Variants in STON2 observed in about 807,000 individuals in gnomAD.
STON2 encodes the protein stonin 2.
A neutral mutation model predicts 65.7 loss-of-function variants in STON2; 29 were observed. The observed-to-expected ratio is 0.44, with a 90% CI of 0.33 to 0.60. The LOEUF (loss-of-function observed/expected upper bound fraction) is 0.60. Ranked by LOEUF, STON2 falls within the 20% of genes least tolerant of loss-of-function variation. STON2 has a pLI of 0.03. For missense variants in STON2, 1,054 were observed against 1,118.1 expected (o/e 0.94, Z 0.82); for synonymous variants, 404 against 414.2 (o/e 0.98, Z 0.30).
At chr14:81,334,868 C>T (rs1028254401) in intron 4 of STON2, among the ~76,000 whole-genome samples, 1 of 152,094 alleles carries the variant, frequency 6.6e-6, no homozygotes, top group African/African-American at 2.4e-5. Context: ...GACAGAGTCT[C>T]ATTCTGTCAC....
At chr14:81,325,446 C>T (rs1016263164) in intron 4 of STON2, among the ~76,000 whole-genome samples, 5 of 151,338 alleles carry the variant, frequency 3.3e-5, no homozygotes, top group African/African-American at 1.2e-4. Flanking sequence ...TTCTCCTCCT[C>T]TTTTTTTTGA....
chr14:81,356,116 C>T (rs1898219188), intron 4 of STON2, among the ~76,000 whole-genome samples: 1 of 152,176 alleles, frequency 6.6e-6, no homozygotes, highest in Admixed American at 6.5e-5. Context: ...CCAGTTCTTG[C>T]CCATTCAGTA....
chr14:81,280,823 A>C (rs6574637), intron 5 of STON2, among the ~76,000 whole-genome samples: 129,794 of 151,946 alleles, frequency 0.85, 55,921 homozygotes, highest in African/African-American at 0.93. Flanking sequence ...CCAGCCTGGC[A>C]AAAATGGTGA....
At chr14:81,408,283 T>C (rs1394352926) in intron 2 of STON2, among the ~76,000 whole-genome samples, 1 of 152,184 alleles carries the variant, frequency 6.6e-6, no homozygotes, top group Non-Finnish European at 1.5e-5. Flanking sequence ...TTCATTTAAA[T>C]ATTTTATTTT....
chr14:81,410,283 A>AAAAAAAAAC (rs1555407597), intron 2 of STON2, among the ~76,000 whole-genome samples: 1 of 118,220 alleles, frequency 8.5e-6, no homozygotes, highest in African/African-American at 4.2e-5. Context: ...CTAACCAAAA[A>AAAAAAAAAC]AAAAAAAAAA....
intron 5 of STON2, among the ~76,000 whole-genome samples, chr14:81,301,697 G>GA (rs1278813201): frequency 6.6e-6 from 1 of 152,194 alleles, no homozygotes; most frequent in Non-Finnish European, 1.5e-5. Flanking sequence ...TCACATTTGT[G>GA]AAATGTGAAT....
chr14:81,374,388 C>T (rs1193647832), intron 3 of STON2, among the ~76,000 whole-genome samples: 4 of 151,836 alleles, frequency 2.6e-5, no homozygotes, highest in Non-Finnish European at 4.4e-5. Flanking sequence ...AGTTGATGTG[C>T]ACATGGCAGA....
intron 6 of STON2, among the ~76,000 whole-genome samples, chr14:81,273,752 T>C (rs973363546): frequency 3.3e-5 from 5 of 152,126 alleles, no homozygotes; most frequent in East Asian, 1.9e-4. Context: ...ACAAGGGTGC[T>C]GACCTGCTGA....
chr14:81,263,625 T>C lies in STON2; in HGVS notation c.*4789A>G, dbSNP rs1271882017. 1.9e-6 allele frequency: 1 copy of C among 536,196 alleles called. No homozygotes were observed. The highest frequency in any genetic ancestry group is 2.4e-6 in the Non-Finnish European group (1 of 420,018). 33.2% of individuals were successfully genotyped at this position (536,196 alleles called of 1,614,324 possible). A position where few individuals can be genotyped will look rare whatever the true frequency, so the allele number is the denominator to read the frequency against. Reference sequence around the variant, plus strand: ...CTCATCAGCTGTTGTTACTGTATTTTATGTGTGACCCAAGACAATTCTTCT... The same window carrying C: ...CTCATCAGCTGTTGTTACTGTATTTCATGTGTGACCCAAGACAATTCTTCT... On this transcript the variant is annotated 3_prime_UTR_variant, in exon 8 of 8. Transcript: ENST00000614646.
chr14:81,356,475 T>C (rs1898238355), intron 4 of STON2, among the ~76,000 whole-genome samples: 2 of 152,066 alleles, frequency 1.3e-5, no homozygotes, highest in South Asian at 4.1e-4. Context: ...TTCTCTTTTT[T>C]TGTTGTGTCT....
At chr14:81,282,734 ATC>A (rs1895174993) in intron 5 of STON2, among the ~76,000 whole-genome samples, 1 of 152,226 alleles carries the variant, frequency 6.6e-6, no homozygotes, top group Non-Finnish European at 1.5e-5. Context: ...AGTTCAAAAC[ATC>A]TCTTTATTAT....
At chr14:81,343,039 C>G (rs1897675810) in intron 4 of STON2, among the ~76,000 whole-genome samples, 1 of 152,150 alleles carries the variant, frequency 6.6e-6, no homozygotes, top group Admixed American at 6.5e-5. Context: ...GGGCATGCTT[C>G]CTCCAGGAAT....
chr14:81,387,034 G>C lies in STON2; in HGVS notation c.373+8860C>G, dbSNP rs145375380. On this transcript the variant is annotated intron_variant, in intron 3 of 7. Transcript: ENST00000614646. ...GTTAATCAAACTTTTTGTAACTAGA[G>C]ATAGTCAGGAACACTATTGGCTAAA... 5.0e-3 allele frequency among the ~76,000 whole-genome samples: 767 copies of C among 152,244 alleles called. 5 individuals carry two copies. The highest frequency in any genetic ancestry group is 0.014 in the Middle Eastern group (4 of 294).
chr14:81,344,107 C>T (rs974647713), intron 4 of STON2, among the ~76,000 whole-genome samples: 3 of 152,130 alleles, frequency 2.0e-5, no homozygotes, highest in African/African-American at 7.2e-5. Flanking sequence ...AACAAGCCAG[C>T]CCCTAGCCCC....
chr14:81,321,807 C>T (rs1417442518), intron 5 of STON2, among the ~76,000 whole-genome samples: 1 of 152,098 alleles, frequency 6.6e-6, no homozygotes, highest in African/African-American at 2.4e-5. Context: ...GCTAAGGATT[C>T]TGGGAGCAAC....
At position 81,383,954 on chromosome 14, in the gene STON2, C is replaced by T. The variant is rs141770257; in HGVS notation, c.373+11940G>A. ...CTCTGTAACGTTTCTGCCTCACCTC[C>T]TTGTCTTCTCTCCACATTCACTCTA... On this transcript the variant is annotated intron_variant, in intron 3 of 7. Transcript: ENST00000614646. Among the ~76,000 whole-genome samples, 80 of 152,258 alleles carry T rather than the reference C, an allele frequency of 5.3e-4. 2 individuals are homozygous for T. The South Asian group carries it at 0.012, about 22-fold the overall frequency.
At chr14:81,393,344 C>A (rs1900166887) in intron 3 of STON2, among the ~76,000 whole-genome samples, 2 of 152,214 alleles carry the variant, frequency 1.3e-5, no homozygotes, top group African/African-American at 4.8e-5. Flanking sequence ...CCCCACCCAT[C>A]ACTTACCTTC....
chr14:81,312,637 C>T (rs1314939357), intron 5 of STON2, among the ~76,000 whole-genome samples: 1 of 152,218 alleles, frequency 6.6e-6, no homozygotes, highest in Non-Finnish European at 1.5e-5. Flanking sequence ...CCTCTTGCCT[C>T]CCAGCATCTA....
chr14:81,270,678 TG>T lies in STON2; in HGVS notation c.2775del (p.Tyr925Ter), dbSNP rs768494189. On this transcript the variant is annotated frameshift_variant, in exon 7 of 8. Transcript: ENST00000614646. LOFTEE classifies it high-confidence loss of function. Reference protein sequence around the residue: ...VRKWVNYSAHYSYQVEIEQKK... With the variant: ...VRKWVNYSAHXSYQVEIEQKK... ...ATGCTTCCCAAGGCTACCTGGTAGCTGTAGTGTGCAGAATAATTGACCCACT... is the reference window on the plus strand; with the variant it reads ...ATGCTTCCCAAGGCTACCTGGTAGCTTAGTGTGCAGAATAATTGACCCACT... 1.2e-6 allele frequency: 2 copies of T among 1,614,058 alleles called. No homozygotes were observed. The highest frequency in any genetic ancestry group is 2.7e-5 in the African/African-American group (2 of 74,904).
Sources: allele counts gnomAD v4.1 joint callset (sites outside exome capture counted in the v4.1 genomes callset), GRCh38; gene constraint gnomAD v4.1.1; transcripts MANE v1.5; gene names NCBI Gene and HGNC (gene_info 2026-07-23, HGNC 2026-07-21).